Variants in NPHP4 observed in about 807,000 individuals in gnomAD.
NPHP4 encodes nephrocystin-4.
A neutral mutation model predicts 155.8 loss-of-function variants in NPHP4; 151 were observed. That is an observed-to-expected ratio of 0.97 (90% CI 0.85 to 1.11). NPHP4 has a LOEUF of 1.11. Ranked by LOEUF, NPHP4 falls within the 50% of genes least tolerant of loss-of-function variation. The pLI is 0.00. For missense variants in NPHP4, 1,956 were observed against 1,925.7 expected (o/e 1.02, Z -0.29); for synonymous variants, 845 against 816.8 (o/e 1.03, Z -0.59).
rs1473008224 is a variant in NPHP4 at position 5,866,171 on chromosome 1, GC to G, written c.3644+201del. ...AGCTGCATCCCAAGTCCCTCAGGCTGCACGTGCCCCTCCAAGGTGCCTTCCC... is the reference window on the plus strand; with the variant it reads ...AGCTGCATCCCAAGTCCCTCAGGCTGACGTGCCCCTCCAAGGTGCCTTCCC... On this transcript the variant is annotated intron_variant, in intron 26 of 29. Coordinates refer to ENST00000378156, the MANE Select transcript of NPHP4 (RefSeq NM_015102.5). The G allele has an allele frequency of 1.0e-5, 6 of 599,144 alleles. No individual in the cohort carries two copies. In the East Asian group the frequency reaches 1.1e-4, roughly 11 times the overall value. The allele number at this position is 599,144 out of a possible 1,614,324, so 37.1% of individuals were successfully genotyped here. A position where few individuals can be genotyped will look rare whatever the true frequency, so the allele number is the denominator to read the frequency against.
At chr1:5,991,300 G>A (rs1231150505) in intron 1 of NPHP4, among the ~76,000 whole-genome samples, 3 of 152,166 alleles carry the variant, frequency 2.0e-5, no homozygotes, top group African/African-American at 7.2e-5. Flanking sequence ...TAAAGAAACG[G>A]GGCACAAATT....
chr1:5,947,155 G>C lies in NPHP4; in HGVS notation c.1068C>G (p.Val356=), dbSNP rs1570580019. 4 of 1,613,822 alleles carry C rather than the reference G, an allele frequency of 2.5e-6. No homozygotes were observed. In the South Asian group the frequency reaches 4.4e-5, roughly 18 times the overall value. The change falls in exon 9 of 30, where the codon GTC becomes GTG. Residue 356 remains valine (V), a synonymous_variant. Coordinates refer to ENST00000378156, the MANE Select transcript of NPHP4 (RefSeq NM_015102.5). ...TGAACACGTACTCCAGCTGGAAGATGACCGCAAATGCAGGGTGGCCGACCA... is the reference window on the plus strand; with the variant it reads ...TGAACACGTACTCCAGCTGGAAGATCACCGCAAATGCAGGGTGGCCGACCA... ...PEMVGHPAFA[V]IFQLEYVFSS... is the part of the protein sequence containing the mutation.
Position 5,864,038 on chromosome 1 carries a change from G to A in NPHP4, c.3997-5C>T, listed in dbSNP as rs2100375793. The stretch of plus-strand genomic sequence containing the variant: ...AGCCAACATGATCTCAAAGGCCTGT[G>A]GAGGGAGGGGACAGGGAGACGCTGC... On this transcript the variant is annotated splice_region_variant and splice_polypyrimidine_tract_variant and intron_variant, in intron 28 of 29. Transcript: ENST00000378156. The A allele has an allele frequency of 1.9e-6, 3 of 1,612,720 alleles. No individual in the cohort carries two copies. Among genetic ancestry groups the A allele is most frequent in the Non-Finnish European group, 2.5e-6 (3 of 1,179,450 alleles).
intron 2 of NPHP4, among the ~76,000 whole-genome samples, chr1:5,985,312 G>A (rs6577448): frequency 0.41 from 62,167 of 152,156 alleles, 13,319 homozygotes; most frequent in East Asian, 0.75. Flanking sequence ...TGGGCCTCAC[G>A]AGGACAATCC....
rs796314945 is a variant in NPHP4 at position 5,909,331 on chromosome 1, G to A, written c.1442-118C>T. The A allele has an allele frequency of 3.7e-5, 30 of 800,556 alleles. No homozygotes were observed. The African/African-American group carries it at 5.1e-4, about 14-fold the overall frequency. 49.6% of individuals were successfully genotyped at this position (800,556 alleles called of 1,614,324 possible). ...AGGCCTCACCACCTTGTCTGTAACAGGGGCAGCCGCTGGTTACCGTTCAGG... is the reference window on the plus strand; with the variant it reads ...AGGCCTCACCACCTTGTCTGTAACAAGGGCAGCCGCTGGTTACCGTTCAGG... On this transcript the variant is annotated intron_variant, in intron 11 of 29. Coordinates refer to ENST00000378156, the MANE Select transcript of NPHP4 (RefSeq NM_015102.5).
intron 2 of NPHP4, among the ~76,000 whole-genome samples, chr1:5,979,393 G>C (rs114088019): frequency 0.022 from 3,287 of 152,196 alleles, 64 homozygotes; most frequent in Admixed American, 0.037. Flanking sequence ...GAGAACAAGG[G>C]GGGCATGAGA....
At chr1:5,865,330 G>T in intron 26 of NPHP4, 57 bp from the exon 27 acceptor site, 1 of 1,428,220 alleles carries the variant, frequency 7.0e-7, no homozygotes, top group South Asian at 1.4e-5. Flanking sequence ...ACCGGCCCAC[G>T]AGAGGCCAAC....
intron 16 of NPHP4, among the ~76,000 whole-genome samples, chr1:5,895,333 T>TA (rs34020356): frequency 0.83 from 125,269 of 150,682 alleles, 52,307 homozygotes; most frequent in African/African-American, 0.93. Context: ...AAAGTATAAT[T>TA]AAAAAAAAAT....
rs1312026249 is a variant in NPHP4 at position 5,905,445 on chromosome 1, A to C, written c.1802T>G (p.Leu601Arg). 6.2e-7 allele frequency: 1 copy of C among 1,610,258 alleles called. No homozygotes were observed. The highest frequency in any genetic ancestry group is 1.3e-5 in the African/African-American group (1 of 74,870). ...GQPSRASMVL[L>R]QSSGFPEILD... ...AATCTCGGGAAAGCCGGAGGACTGC[A>C]GGAGCACCATGGAGGCTCTCGAGGG... The change falls in exon 15 of 30, where the codon CTG becomes CGG. Residue 601 changes from leucine (L) to arginine (R), a missense_variant. Leu to Arg is a moderately radical substitution (Grantham distance 102). Transcript: ENST00000378156. This position sits in a 1 kb window ranked among gnomAD's most constrained non-coding sequence, Gnocchi z 4.0.
intron 6 of NPHP4, among the ~76,000 whole-genome samples, chr1:5,954,549 TACAGCTGACTG>T (rs1244997953): frequency 6.6e-6 from 1 of 152,200 alleles, no homozygotes; most frequent in Non-Finnish European, 1.5e-5. Flanking sequence ...TCATGCCACC[TACAGCTGACTG>T]ATTTTTAAAG....
chr1:5,968,172 CACTT>C (rs1651877983), intron 4 of NPHP4, among the ~76,000 whole-genome samples: 1 of 152,064 alleles, frequency 6.6e-6, no homozygotes, highest in Non-Finnish European at 1.5e-5. Flanking sequence ...GAGCTCAAAT[CACTT>C]ACCTGAAGTC....
chr1:5,866,216 G>C (rs1641203790), intron 26 of NPHP4, 157 bp downstream of exon 26: 1 of 690,734 alleles, frequency 1.4e-6, no homozygotes, highest in Non-Finnish European at 2.7e-6. Context: ...TGCGGGCCCT[G>C]AACTCGCAGC....
intron 3 of NPHP4, among the ~76,000 whole-genome samples, chr1:5,969,873 C>T (rs2102263842): frequency 6.6e-6 from 1 of 152,214 alleles, no homozygotes. Context: ...AGTAATTATC[C>T]CCGGTTCAGA....
Position 5,910,046 on chromosome 1 carries a change from C to G in NPHP4, c.1442-833G>C, listed in dbSNP as rs896155633. Among the ~76,000 whole-genome samples the G allele has an allele frequency of 6.6e-6, 1 of 152,234 alleles. No homozygotes were observed. Among genetic ancestry groups the G allele is most frequent in the Non-Finnish European group, 1.5e-5 (1 of 68,036 alleles). On this transcript the variant is annotated intron_variant, in intron 11 of 29. Transcript: ENST00000378156. The surrounding 1 kb of genome is among the most constrained non-coding windows in gnomAD (Gnocchi z 5.4). The stretch of plus-strand genomic sequence containing the variant: ...GCATCGCTGGAGTCTCTGAAACCCA[C>G]CAGGCTCCTGCCACAGCGGTGCTGG...
chr1:5,955,500 G>C (rs1649007133), intron 6 of NPHP4, among the ~76,000 whole-genome samples: 1 of 152,186 alleles, frequency 6.6e-6, no homozygotes, highest in African/African-American at 2.4e-5. Flanking sequence ...TTCATCAATG[G>C]ATGAATGCAT....
At chr1:5,899,242 G>A (rs548094658) in intron 16 of NPHP4, among the ~76,000 whole-genome samples, 1 of 152,274 alleles carries the variant, frequency 6.6e-6, no homozygotes, top group East Asian at 1.9e-4. Flanking sequence ...CTATGCAGAA[G>A]AGCCAAAAAC....
intron 3 of NPHP4, among the ~76,000 whole-genome samples, chr1:5,976,328 G>A (rs1016956860): frequency 6.6e-6 from 1 of 152,140 alleles, no homozygotes; most frequent in African/African-American, 2.4e-5. Context: ...CTTCTGAGCC[G>A]ATGCCTGGCC....
chr1:5,977,914 GGA>G (rs1653964726), intron 3 of NPHP4, among the ~76,000 whole-genome samples: 2 of 125,262 alleles, frequency 1.6e-5, no homozygotes, highest in East Asian at 2.3e-4. Flanking sequence ...AGAGGGGAGG[GGA>G]GAGGAGGAGA....
At chr1:5,966,130 T>C (rs957888807) in intron 5 of NPHP4, among the ~76,000 whole-genome samples, 5 of 152,198 alleles carry the variant, frequency 3.3e-5, no homozygotes, top group African/African-American at 1.2e-4. Context: ...TGCAGCCCTT[T>C]ATGAGAAATG....
Sources: allele counts gnomAD v4.1 joint callset (sites outside exome capture counted in the v4.1 genomes callset), GRCh38; gene constraint gnomAD v4.1.1; non-coding constraint Gnocchi (gnomAD v3.1); transcripts MANE v1.5; gene names NCBI Gene and HGNC (gene_info 2026-07-23, HGNC 2026-07-21).